Variants in ASH1L observed in about 807,000 individuals in gnomAD.
ASH1L encodes the protein histone-lysine N-methyltransferase ASH1L.
Under a neutral mutation model 269.0 loss-of-function variants are expected in ASH1L, and 23 were observed. That is an observed-to-expected ratio of 0.09 (90% CI 0.06 to 0.12). The LOEUF (loss-of-function observed/expected upper bound fraction) is 0.12, where lower values mean the gene tolerates loss of function less well. ASH1L is among the 10% of genes least tolerant of loss of function. ASH1L has a pLI of 1.00. For missense variants in ASH1L, 2,912 were observed against 3,567.8 expected, an observed-to-expected ratio of 0.82 and a Z score of 4.68; for synonymous variants, 1,187 against 1,253.5, an observed-to-expected ratio of 0.95 and a Z score of 1.12.
At chr1:155,423,555 A>C (rs1168355580) in intron 5 of ASH1L, among the ~76,000 whole-genome samples, 1 of 152,074 alleles carries the variant, frequency 6.6e-6, no homozygotes, top group Non-Finnish European at 1.5e-5. Flanking sequence ...GCGACAGAGC[A>C]AGACTCTGTC....
rs1373392266 is a variant in ASH1L, at chr1:155,450,583, T to C, written c.5086+9214A>G. Among the ~76,000 whole-genome samples the C allele has an allele frequency of 2.6e-5, 4 of 152,212 alleles. No individual in the cohort carries two copies. In the East Asian group the frequency reaches 7.7e-4, roughly 29 times the overall value. On this transcript the variant is annotated intron_variant, in intron 4 of 27. Transcript: ENST00000392403. ...TGTTGAAGTTGAAAAAACTGGAACA[T>C]TTGTACACTGTTGATGGGAATGTAA...
chr1:155,411,586 AATATATATATATATATATATAT>A lies in ASH1L; in HGVS notation c.6008+4136_6008+4157del, dbSNP rs368800129. ...AAATATGAATATAAATAAATAAATA[AATATATATATATATATATATAT>A]ATATATATATGTTTTCATCCATGGT... On this transcript the variant is annotated intron_variant, in intron 6 of 27. Transcript: ENST00000392403. 1.1e-4 allele frequency among the ~76,000 whole-genome samples: 6 copies of A among 55,192 alleles called. 1 individual carries two copies. The East Asian group carries it at 6.8e-3, about 63-fold the overall frequency. The allele number at this position is 55,192 out of a possible 152,430, so 36.2% of individuals were successfully genotyped here.
chr1:155,415,730 G>A lies in ASH1L; in HGVS notation c.6008+14C>T. The stretch of plus-strand genomic sequence containing the variant: ...AAGAAAAAGGGATGTTAGCTAATAG[G>A]TACTACTACTTACTCTGTAGTTTTG... On this transcript the variant is annotated intron_variant, in intron 6 of 27. Coordinates refer to ENST00000392403, the MANE Select transcript of ASH1L (RefSeq NM_018489.3). 1 of 1,610,692 alleles carries A rather than the reference G, an allele frequency of 6.2e-7. No homozygotes were observed. Among genetic ancestry groups the A allele is most frequent in the Non-Finnish European group, 8.5e-7 (1 of 1,178,172 alleles).
chr1:155,514,145 G>A (rs573210711), intron 2 of ASH1L, among the ~76,000 whole-genome samples: 92 of 152,284 alleles, frequency 6.0e-4, no homozygotes, highest in Middle Eastern at 6.8e-3. Flanking sequence ...GGCTGCAGGA[G>A]GGAGAATGAA....
At chr1:155,339,550 G>A (rs183259160) in intron 25 of ASH1L, among the ~76,000 whole-genome samples, 182 bp from the exon 26 acceptor site, 72 of 152,284 alleles carry the variant, frequency 4.7e-4, no homozygotes, top group Non-Finnish European at 9.4e-4. Flanking sequence ...AGCATTTTGT[G>A]CTCCCAGGAT....
At position 155,343,173 on chromosome 1, in the gene ASH1L, G is replaced by T; in HGVS notation, c.8293+141C>A. 1 of 844,262 alleles carries T rather than the reference G, an allele frequency of 1.2e-6. No homozygotes were observed. The highest frequency in any genetic ancestry group is 1.8e-6 in the Non-Finnish European group (1 of 550,930). The allele number at this position is 844,262 out of a possible 1,614,324, so 52.3% of individuals were successfully genotyped here. A position where few individuals can be genotyped will look rare whatever the true frequency, so the allele number is the denominator to read the frequency against. On this transcript the variant is annotated intron_variant, in intron 24 of 27. Coordinates refer to ENST00000392403, the MANE Select transcript of ASH1L (RefSeq NM_018489.3). The surrounding 1 kb of genome is among the most constrained non-coding windows in gnomAD (Gnocchi z 6.1). The stretch of plus-strand genomic sequence containing the variant: ...TGCCATGCCCAGCTACAGAGGCAGA[G>T]TTTTGCCACGTTGGCCAGGCTGGTC...
chr1:155,512,192 T>C (rs1668204637), intron 2 of ASH1L, among the ~76,000 whole-genome samples: 1 of 151,952 alleles, frequency 6.6e-6, no homozygotes, highest in South Asian at 2.1e-4. Flanking sequence ...TTTATCACAA[T>C]CTCAATAGGA....
intron 6 of ASH1L, among the ~76,000 whole-genome samples, chr1:155,412,892 GT>G (rs60312610): frequency 0.064 from 8,950 of 139,742 alleles, 814 homozygotes; most frequent in African/African-American, 0.21. Flanking sequence ...TCTTCTGTGT[GT>G]TTTTTTTTTT....
chr1:155,434,149 A>G, intron 5 of ASH1L: 3 of 1,593,072 alleles, frequency 1.9e-6, no homozygotes, highest in Non-Finnish European at 2.6e-6. Context: ...TTGGTACCCC[A>G]GGCTATGGGA....
intron 2 of ASH1L, among the ~76,000 whole-genome samples, chr1:155,497,904 C>A (rs1667261492): frequency 6.6e-6 from 1 of 152,104 alleles, no homozygotes; most frequent in Admixed American, 6.6e-5. Flanking sequence ...CGCCTGCCAC[C>A]AGGCATGGCT....
chr1:155,465,289 C>CAAAAAAAAAAAA (rs1171228344), intron 3 of ASH1L, among the ~76,000 whole-genome samples: 3 of 62,574 alleles, frequency 4.8e-5, no homozygotes, highest in Non-Finnish European at 9.4e-5. Context: ...TACAAATTAG[C>CAAAAAAAAAAAA]AAAAAAAAAA....
chr1:155,381,428 T>C (rs1656931641), intron 7 of ASH1L, among the ~76,000 whole-genome samples: 1 of 152,016 alleles, frequency 6.6e-6, no homozygotes. Context: ...TGGGCGCCTG[T>C]AATCCCAGCT....
intron 5 of ASH1L, among the ~76,000 whole-genome samples, chr1:155,436,997 A>T (rs1194030030): frequency 6.6e-6 from 1 of 152,154 alleles, no homozygotes; most frequent in African/African-American, 2.4e-5. Flanking sequence ...CCATGCATGC[A>T]AGGTTTTATT....
chr1:155,479,448 C>G lies in ASH1L; in HGVS notation c.3422G>C (p.Arg1141Thr). 1 of 1,614,174 alleles carries G rather than the reference C, an allele frequency of 6.2e-7. No homozygotes were observed. The highest frequency in any genetic ancestry group is 1.1e-5 in the South Asian group (1 of 91,082). ...AAGAGTCTGAATCATACTGCCCTGT[C>G]TGGAGTGTAAATGCAAATATGGCAC... Reference protein sequence around the residue: ...SSVPYLHLHSRQGSMIQTLAM... With the variant: ...SSVPYLHLHSTQGSMIQTLAM... Residue 1141 changes from arginine (R) to threonine (T), a missense_variant, in exon 3 of 28, where the codon AGA becomes ACA. This residue lies in a region of ASH1L where 157 missense variants were observed against 154.6 expected (regional missense o/e 1.02). Transcript: ENST00000392403.
rs564405291 is a variant in ASH1L at position 155,337,160 on chromosome 1, G to A, written c.*500C>T. On this transcript the variant is annotated 3_prime_UTR_variant, in exon 28 of 28. Transcript: ENST00000392403. Reference sequence around the variant, plus strand: ...CAAACTTCCCTAGTCAGGTATCTAGGAAGAAGCCTCAGCTACTGTTTCTGT... The same window carrying A: ...CAAACTTCCCTAGTCAGGTATCTAGAAAGAAGCCTCAGCTACTGTTTCTGT... 1.3e-5 allele frequency: 2 copies of A among 152,658 alleles called. No individual in the cohort carries two copies. Among genetic ancestry groups the A allele is most frequent in the East Asian group, 3.8e-4 (2 of 5,324 alleles). The allele number at this position is 152,658 out of a possible 1,614,324, so 9.5% of individuals were successfully genotyped here. A position where few individuals can be genotyped will look rare whatever the true frequency, so the allele number is the denominator to read the frequency against.
Position 155,370,667 on chromosome 1 carries a change from T to G in ASH1L, c.6540-17A>C, listed in dbSNP as rs1459273119. ...ATCCTGTTCCTAAAGAGAAGATAAA[T>G]GATTGAAAGACAATTAAAGAGTAGC... On this transcript the variant is annotated splice_polypyrimidine_tract_variant and intron_variant, in intron 11 of 27. Transcript: ENST00000392403. 3 of 1,613,666 alleles carry G rather than the reference T, an allele frequency of 1.9e-6. No homozygotes were observed.
chr1:155,421,371 T>C (rs1660668984), intron 5 of ASH1L, among the ~76,000 whole-genome samples: 1 of 137,142 alleles, frequency 7.3e-6, no homozygotes, highest in South Asian at 2.5e-4. Context: ...CACAAATTGC[T>C]ATGGAAAGAC....
At position 155,521,316 on chromosome 1, in the gene ASH1L, A is replaced by G. The variant is rs201153025; in HGVS notation, c.204T>C (p.Asp68=). The change falls in exon 2 of 28, where the codon GAT becomes GAC. Residue 68 remains aspartate (D), a synonymous_variant. Coordinates refer to ENST00000392403, the MANE Select transcript of ASH1L (RefSeq NM_018489.3). ...IEAGKDDGLT[D]AQQQFSVKET... ...CTTTCACTGAAAACTGTTGCTGTGCATCAGTCAAACCATCATCTTTCCCAG... is the reference window on the plus strand; with the variant it reads ...CTTTCACTGAAAACTGTTGCTGTGCGTCAGTCAAACCATCATCTTTCCCAG... 3.1e-6 allele frequency: 5 copies of G among 1,614,020 alleles called. No homozygotes were observed. Among genetic ancestry groups the G allele is most frequent in the Admixed American group, 1.7e-5 (1 of 59,994 alleles).
At position 155,480,696 on chromosome 1, in the gene ASH1L, C is replaced by T; in HGVS notation, c.2174G>A (p.Arg725Lys). Residue 725 changes from arginine (R) to lysine (K), a missense_variant, in exon 3 of 28, where the codon AGA becomes AAA. Coordinates refer to ENST00000392403, the MANE Select transcript of ASH1L (RefSeq NM_018489.3). ...RKPRWTKVVARSTCRSPKGLE... is the reference protein window; with the variant it reads ...RKPRWTKVVAKSTCRSPKGLE... ...CCCTTTTGGAGACCGGCATGTGCTT[C>T]TTGCCACCACTTTAGTCCACCGAGG... 2 of 1,613,628 alleles carry T rather than the reference C, an allele frequency of 1.2e-6. No individual in the cohort carries two copies. Among genetic ancestry groups the T allele is most frequent in the African/African-American group, 2.7e-5 (2 of 74,938 alleles).
Sources: gnomAD v4.1 joint callset for allele counts (sites outside exome capture counted in the v4.1 genomes callset) on GRCh38, gnomAD v4.1.1 for gene constraint, gnomAD v4.1.1 regional missense constraint, Gnocchi (gnomAD v3.1) non-coding constraint, MANE v1.5 for transcripts, NCBI Gene and HGNC (gene_info 2026-07-23, HGNC 2026-07-21) for gene names.